The following ANXA10 variants were observed in gnomAD, a reference collection of about 807,000 sequenced individuals.
The protein encoded by ANXA10 is annexin 14.
In ANXA10, 49 loss-of-function variants were observed where a neutral mutation model predicts 53.5. The observed-to-expected ratio is 0.92, with a 90% CI of 0.73 to 1.16. ANXA10 has a LOEUF of 1.16. ANXA10 is among the 50% of genes most tolerant of loss of function. The pLI is 0.00. For missense variants in ANXA10, 393 were observed against 394.4 expected (o/e 1.00, Z 0.03); for synonymous variants, 131 against 128.9 (o/e 1.02, Z -0.11).
At chr4:168,154,928 A>T (rs547830846) in intron 3 of ANXA10, among the ~76,000 whole-genome samples, 26 of 152,318 alleles carry the variant, frequency 1.7e-4, no homozygotes, top group South Asian at 6.2e-4. Flanking sequence ...TAATCATCAC[A>T]TTCTTCTGCC....
chr4:168,155,856 ATATATGATATATCATATATTATATGTT>A (rs1731634978), intron 3 of ANXA10, among the ~76,000 whole-genome samples: 1 of 15,780 alleles, frequency 6.3e-5, no homozygotes, highest in Non-Finnish European at 1.1e-4. Context: ...ATAATATATC[ATATATGATATATCATATATTATATGTT>A]ATATATAATA....
Position 168,156,155 on chromosome 4 carries a change from T to TTA in ANXA10, c.196-6367_196-6366dup, listed in dbSNP as rs1372114458. Among the ~76,000 whole-genome samples, 12 of 12,192 alleles carry TTA rather than the reference T, an allele frequency of 9.8e-4. No homozygotes were observed. The South Asian group carries it at 0.03, about 31-fold the overall frequency. The allele number at this position is 12,192 out of a possible 152,430, so 8.0% of individuals were successfully genotyped here. A position where few individuals can be genotyped will look rare whatever the true frequency, so the allele number is the denominator to read the frequency against. ...ATATTATATATAAAAATAATATATATTATATATTATATATATTATATTATA... is the reference window on the plus strand; with the variant it reads ...ATATTATATATAAAAATAATATATATTATATATATTATATATATTATATTATA... On this transcript the variant is annotated intron_variant, in intron 3 of 11. Coordinates refer to ENST00000359299, the MANE Select transcript of ANXA10 (RefSeq NM_007193.5).
intron 3 of ANXA10, among the ~76,000 whole-genome samples, chr4:168,154,369 G>C (rs1406873404): frequency 2.0e-5 from 3 of 152,126 alleles, no homozygotes; most frequent in Non-Finnish European, 4.4e-5. Flanking sequence ...GCTAGAGCTA[G>C]ATGCTGAATT....
At chr4:168,160,321 T>G (rs1165170466) in intron 3 of ANXA10, among the ~76,000 whole-genome samples, 2 of 152,126 alleles carry the variant, frequency 1.3e-5, no homozygotes, top group African/African-American at 4.8e-5. Context: ...TGTTTGATTT[T>G]CTGTTCTTGT....
intron 6 of ANXA10, among the ~76,000 whole-genome samples, chr4:168,175,245 G>A (rs565861930): frequency 3.3e-5 from 5 of 152,112 alleles, no homozygotes; most frequent in East Asian, 3.9e-4. Context: ...CCTACTGATC[G>A]ATTCAATAAG....
chr4:168,140,736 A>C (rs945638578), intron 3 of ANXA10, among the ~76,000 whole-genome samples: 3 of 151,902 alleles, frequency 2.0e-5, no homozygotes, highest in Non-Finnish European at 2.9e-5. Flanking sequence ...CCCCTGCCTC[A>C]GCCTCCTGAG....
chr4:168,103,030 CTTTG>C (rs1266627136), intron 1 of ANXA10, among the ~76,000 whole-genome samples: 6 of 151,866 alleles, frequency 4.0e-5, no homozygotes, highest in Non-Finnish European at 5.9e-5. Flanking sequence ...ATATCATTTT[CTTTG>C]TTTATTTATA....
intron 3 of ANXA10, among the ~76,000 whole-genome samples, chr4:168,157,682 T>C (rs1156289181): frequency 1.3e-5 from 2 of 152,216 alleles, no homozygotes; most frequent in Non-Finnish European, 1.5e-5. Flanking sequence ...TATAGATGAA[T>C]TTTTGCTATT....
chr4:168,114,337 A>T (rs1230126259), intron 1 of ANXA10, among the ~76,000 whole-genome samples: 1 of 151,962 alleles, frequency 6.6e-6, no homozygotes, highest in East Asian at 1.9e-4. Flanking sequence ...GCAGTGGTGC[A>T]GTCTTGGCTC....
intron 1 of ANXA10, among the ~76,000 whole-genome samples, chr4:168,114,493 A>G (rs898320320): frequency 2.0e-5 from 3 of 152,362 alleles, no homozygotes; most frequent in Non-Finnish European, 4.4e-5. Flanking sequence ...CAGCACATGT[A>G]TAGTGTCCCC....
In ANXA10 at chr4:168,184,676, A is replaced by T; in HGVS notation, c.901A>T (p.Ile301Phe). ...ATATGGAAAATCCCTATTTCATGAT[A>T]TCAGAGTAAGTTTCCGACACATGAT... Reference protein sequence around the residue: ...ERYGKSLFHDIRNFASGHYKK... With the variant: ...ERYGKSLFHDFRNFASGHYKK... Residue 301 changes from isoleucine to phenylalanine, a missense_variant, in exon 11 of 12, where the codon ATC (isoleucine) becomes TTC (phenylalanine). By Grantham distance (21) the Ile-to-Phe change is conservative (BLOSUM62 0). Transcript: ENST00000359299. 6.2e-7 allele frequency: 1 copy of T among 1,613,832 alleles called. No individual in the cohort carries two copies. The highest frequency in any genetic ancestry group is 8.5e-7 in the Non-Finnish European group (1 of 1,179,902).
At chr4:168,163,558 TAA>T (rs1453990730) in intron 4 of ANXA10, among the ~76,000 whole-genome samples, 2 of 152,214 alleles carry the variant, frequency 1.3e-5, no homozygotes, top group African/African-American at 4.8e-5. Context: ...ATTTAAAAAA[TAA>T]AGTTATATGT....
intron 2 of ANXA10, among the ~76,000 whole-genome samples, chr4:168,135,255 T>G (rs1236092350): frequency 6.6e-6 from 1 of 152,180 alleles, no homozygotes; most frequent in Non-Finnish European, 1.5e-5. Context: ...AATTGGCACT[T>G]AACAAAGTCA....
At chr4:168,103,311 T>A (rs962142596) in intron 1 of ANXA10, among the ~76,000 whole-genome samples, 2 of 152,000 alleles carry the variant, frequency 1.3e-5, no homozygotes, top group African/African-American at 2.4e-5. Flanking sequence ...TCTATTAAGG[T>A]CTATGACAAA....
chr4:168,165,223 C>A (rs774981849), intron 5 of ANXA10, 24 bp from the exon 6 acceptor site: 5 of 1,432,736 alleles, frequency 3.5e-6, no homozygotes, highest in East Asian at 4.6e-5. Flanking sequence ...ATAAATCATA[C>A]CTTTAACATG....
Position 168,179,209 on chromosome 4 carries a change from TG to T in ANXA10, c.629-7del. ...AAATCTCCTTTGAATTACATCAATT[TG>T]TTAAAGTTTTCCAGGAATTTCAAAA... On this transcript the variant is annotated splice_polypyrimidine_tract_variant and splice_region_variant and intron_variant, in intron 8 of 11. Coordinates refer to ENST00000359299, the MANE Select transcript of ANXA10 (RefSeq NM_007193.5). 6 of 1,560,354 alleles carry T rather than the reference TG, an allele frequency of 3.8e-6. No homozygotes were observed. Among genetic ancestry groups the T allele is most frequent in the Non-Finnish European group, 5.3e-6 (6 of 1,135,458 alleles).
intron 11 of ANXA10, among the ~76,000 whole-genome samples, chr4:168,187,073 C>A (rs2149483401): frequency 6.6e-6 from 1 of 152,080 alleles, no homozygotes. Flanking sequence ...GGTACATCTT[C>A]CTAAAGTTGA....
intron 1 of ANXA10, among the ~76,000 whole-genome samples, chr4:168,104,161 A>T (rs1730683424): frequency 6.6e-6 from 1 of 151,938 alleles, no homozygotes; most frequent in Non-Finnish European, 1.5e-5. Flanking sequence ...TGGCCATATA[A>T]GTTTTATTTC....
intron 10 of ANXA10, 44 bp downstream of exon 10, chr4:168,181,785 C>CT (rs1196290953): frequency 2.0e-5 from 26 of 1,332,930 alleles, no homozygotes; most frequent in Non-Finnish European, 2.4e-5. Context: ...GAAATTGTGT[C>CT]TGTTTTCTCA....
Sources: allele counts gnomAD v4.1 joint callset (sites outside exome capture counted in the v4.1 genomes callset), GRCh38; gene constraint gnomAD v4.1.1; transcripts MANE v1.5; gene names NCBI Gene and HGNC (gene_info 2026-07-23, HGNC 2026-07-21).